Variants in THSD4 observed in about 807,000 individuals in gnomAD.
THSD4 encodes the protein thrombospondin type-1 domain-containing protein 4.
In THSD4, 69 loss-of-function variants were observed where a neutral mutation model predicts 119.0. That is an observed-to-expected ratio of 0.58 (90% CI 0.48 to 0.71). The LOEUF (loss-of-function observed/expected upper bound fraction) is 0.71. THSD4 is among the 30% of genes least tolerant of loss of function. THSD4 has a pLI of 0.00. For missense variants in THSD4, 1,393 were observed against 1,391.1 expected, an observed-to-expected ratio of 1.00 and a Z score of -0.02; for synonymous variants, 524 against 540.4, an observed-to-expected ratio of 0.97 and a Z score of 0.42.
chr15:71,559,955 A>G (rs1452931567), intron 7 of THSD4, among the ~76,000 whole-genome samples: 2 of 152,196 alleles, frequency 1.3e-5, no homozygotes, highest in Admixed American at 6.5e-5. Flanking sequence ...ATAAATGAAA[A>G]TATTATTTAG....
intron 7 of THSD4, among the ~76,000 whole-genome samples, chr15:71,614,911 G>A (rs1403905291): frequency 6.6e-6 from 1 of 152,088 alleles, no homozygotes; most frequent in Non-Finnish European, 1.5e-5. Flanking sequence ...GTTAACTGAG[G>A]CCGACTCCTG....
intron 4 of THSD4, among the ~76,000 whole-genome samples, chr15:71,219,709 CA>C (rs2043960093): frequency 6.6e-6 from 1 of 152,290 alleles, no homozygotes; most frequent in East Asian, 1.9e-4. Context: ...TGCATGACAA[CA>C]TTTACAGTTA....
chr15:71,387,255 A>G (rs1397030113), intron 6 of THSD4, among the ~76,000 whole-genome samples: 1 of 151,830 alleles, frequency 6.6e-6, no homozygotes, highest in African/African-American at 2.4e-5. Context: ...TTTTTGACTG[A>G]CATTGTTGTC....
chr15:71,485,911 C>T (rs2047809220), intron 7 of THSD4, among the ~76,000 whole-genome samples: 1 of 152,142 alleles, frequency 6.6e-6, no homozygotes, highest in South Asian at 2.1e-4. Flanking sequence ...ACGTCAAATA[C>T]CACTTCATGA....
chr15:71,675,802 A>G (rs949593259), intron 8 of THSD4, among the ~76,000 whole-genome samples: 9 of 152,178 alleles, frequency 5.9e-5, no homozygotes, highest in Non-Finnish European at 1.2e-4. Flanking sequence ...GGCCTCACTT[A>G]TGACCTTCCC....
intron 4 of THSD4, among the ~76,000 whole-genome samples, chr15:71,223,048 C>T (rs2043987466): frequency 6.6e-6 from 1 of 152,196 alleles, no homozygotes; most frequent in Non-Finnish European, 1.5e-5. Context: ...CACAGTATCT[C>T]CTGAGTGCTC....
At chr15:71,217,446 A>G (rs1199869660) in intron 4 of THSD4, among the ~76,000 whole-genome samples, 1 of 152,022 alleles carries the variant, frequency 6.6e-6, no homozygotes, top group East Asian at 2.0e-4. Context: ...GTGAAACCCC[A>G]TCTGTACTAA....
chr15:71,141,308 T>G, intron 1 of THSD4, 141 bp from the exon 2 acceptor site: 1 of 540,968 alleles, frequency 1.8e-6, no homozygotes, highest in South Asian at 2.6e-5. Context: ...CAGATTTCAG[T>G]TGGGAAATCC....
chr15:71,645,420 A>G (rs1462517990), intron 7 of THSD4, among the ~76,000 whole-genome samples: 1 of 152,160 alleles, frequency 6.6e-6, no homozygotes, highest in Admixed American at 6.5e-5. Context: ...AGAACTTACC[A>G]TCATGAGAAT....
At chr15:71,313,120 A>T (rs968530593) in intron 6 of THSD4, among the ~76,000 whole-genome samples, 7 of 152,150 alleles carry the variant, frequency 4.6e-5, no homozygotes, top group Non-Finnish European at 7.3e-5. Context: ...TATCAGTATC[A>T]TTTATTTATT....
At chr15:71,320,937 ATAACTT>A (rs774259740) in intron 6 of THSD4, among the ~76,000 whole-genome samples, 3 of 152,200 alleles carry the variant, frequency 2.0e-5, no homozygotes, top group Admixed American at 6.5e-5. Flanking sequence ...TTATTTTACT[ATAACTT>A]TTTATCCATG....
chr15:71,307,603 T>A (rs138528044), intron 6 of THSD4, among the ~76,000 whole-genome samples: 34 of 152,198 alleles, frequency 2.2e-4, no homozygotes, highest in African/African-American at 7.7e-4. Flanking sequence ...AACCAGTCTC[T>A]ACTAAAAATA....
In THSD4 at chr15:71,728,800, A is replaced by G. The variant is rs781347989; in HGVS notation, c.1533+76A>G. ...TCTAAGGAACATACTCTGAACAAAT[A>G]AGCAACAAATCATTGCCCATACTCA... On this transcript the variant is annotated intron_variant, in intron 9 of 17. Coordinates refer to ENST00000261862, the MANE Select transcript of THSD4 (RefSeq NM_024817.3). The G allele has an allele frequency of 3.8e-6, 6 of 1,565,510 alleles. No homozygotes were observed. In the African/African-American group the frequency reaches 6.7e-5, roughly 18 times the overall value.
chr15:71,602,670 C>T (rs780726710), intron 7 of THSD4, among the ~76,000 whole-genome samples: 14 of 151,616 alleles, frequency 9.2e-5, no homozygotes, highest in Non-Finnish European at 2.1e-4. Flanking sequence ...AAGGCTCCTG[C>T]AAGCCTGTAC....
chr15:71,180,156 T>TA (rs766375226), intron 3 of THSD4, among the ~76,000 whole-genome samples: 24 of 22,874 alleles, frequency 1.0e-3, no homozygotes, highest in Admixed American at 2.6e-3. Flanking sequence ...AAAAAAACAT[T>TA]AAAAAAAAAA....
intron 11 of THSD4, among the ~76,000 whole-genome samples, chr15:71,738,606 G>A (rs937522897): frequency 6.6e-6 from 1 of 152,206 alleles, no homozygotes; most frequent in Admixed American, 6.5e-5. Context: ...CCAGGCGCCA[G>A]CTTCCAGGTG....
At position 71,275,927 on chromosome 15, in the gene THSD4, A is replaced by G. The variant is rs144867758; in HGVS notation, c.1015+19212A>G. Among the ~76,000 whole-genome samples, 223 of 152,332 alleles carry G rather than the reference A, an allele frequency of 1.5e-3. 1 individual carries two copies. The Middle Eastern group carries it at 0.034, about 23-fold the overall frequency. On this transcript the variant is annotated intron_variant, in intron 6 of 17. Coordinates refer to ENST00000261862, the MANE Select transcript of THSD4 (RefSeq NM_024817.3). ...AGCCATGCTGAACTGTGAGTCAATT[A>G]AACTTCTTTCCTTTGTAAATTACCC...
intron 3 of THSD4, among the ~76,000 whole-genome samples, chr15:71,156,626 CA>C (rs1464459655): frequency 2.6e-5 from 4 of 152,124 alleles, no homozygotes; most frequent in African/African-American, 7.2e-5. Context: ...AGAGTATGTG[CA>C]CATATTTGGC....
intron 3 of THSD4, among the ~76,000 whole-genome samples, chr15:71,156,282 A>G (rs1226011102): frequency 1.4e-5 from 2 of 139,372 alleles, no homozygotes; most frequent in East Asian, 2.1e-4. Flanking sequence ...TTTGAGATGG[A>G]GTTTCGCTCT....
Sources: allele counts gnomAD v4.1 joint callset (sites outside exome capture counted in the v4.1 genomes callset), GRCh38; gene constraint gnomAD v4.1.1; transcripts MANE v1.5; gene names NCBI Gene and HGNC (gene_info 2026-07-23, HGNC 2026-07-21).